Variants in ZSCAN5A observed in about 807,000 individuals in gnomAD.
ZSCAN5A encodes zinc finger and SCAN domain containing 5A, also known as zinc finger and SCAN domain-containing protein 5A.
ZSCAN5A carries 12 observed loss-of-function variants against 23.7 expected under a neutral mutation model. The ratio of observed to expected loss-of-function variants is 0.51; its 90% confidence interval spans 0.32 to 0.82. The LOEUF (loss-of-function observed/expected upper bound fraction) is 0.82. Ranked by LOEUF, ZSCAN5A falls within the 40% of genes least tolerant of loss-of-function variation. The pLI, the probability that ZSCAN5A is intolerant of heterozygous loss-of-function variation, is 0.03. For missense variants in ZSCAN5A, 597 were observed against 617.9 expected (o/e 0.97, Z 0.36); for synonymous variants, 257 against 239.9 (o/e 1.07, Z -0.66).
At chr19:56,326,184 G>T (rs989077553) in intron 2 of ZSCAN5A, among the ~76,000 whole-genome samples, 3 of 151,918 alleles carry the variant, frequency 2.0e-5, no homozygotes, top group Admixed American at 1.3e-4. Context: ...TGATCGGCCC[G>T]CCTCGGCCTC....
intron 2 of ZSCAN5A, among the ~76,000 whole-genome samples, chr19:56,265,378 T>C (rs967480801): frequency 4.0e-5 from 6 of 148,186 alleles, no homozygotes; most frequent in African/African-American, 1.3e-4. Context: ...CTATACTCTA[T>C]GTAAGTGGTT....
At chr19:56,257,823 C>G (rs1301108477) in intron 2 of ZSCAN5A, among the ~76,000 whole-genome samples, 36 of 132,876 alleles carry the variant, frequency 2.7e-4, no homozygotes, top group African/African-American at 7.2e-4. Flanking sequence ...CACCACTGCC[C>G]ATCTTCTTAG....
chr19:56,304,853 G>C (rs1303664110), intron 2 of ZSCAN5A: 1 of 967,440 alleles, frequency 1.0e-6, no homozygotes, highest in Non-Finnish European at 1.2e-6. Context: ...AGGGAAGTGG[G>C]CTTTTCCCAC....
At chr19:56,311,468 C>T (rs2041031544) in intron 2 of ZSCAN5A, among the ~76,000 whole-genome samples, 2 of 152,154 alleles carry the variant, frequency 1.3e-5, no homozygotes. Flanking sequence ...TGGGTAGTCA[C>T]ACAACTGAAC....
chr19:56,244,298 A>G (rs778989447), intron 2 of ZSCAN5A: 3 of 1,609,858 alleles, frequency 1.9e-6, no homozygotes, highest in Non-Finnish European at 2.5e-6. Flanking sequence ...GATCCTGGAC[A>G]TGCTGGTGAT....
chr19:56,304,340 G>A (rs896696702), intron 2 of ZSCAN5A, among the ~76,000 whole-genome samples: 7 of 152,204 alleles, frequency 4.6e-5, no homozygotes, highest in African/African-American at 1.4e-4. Context: ...GTTCTGAAAC[G>A]GGGGTGACGT....
At chr19:56,363,145 T>C (rs540712865) in intron 2 of ZSCAN5A, 14 of 152,334 alleles carry the variant, frequency 9.2e-5, no homozygotes, top group African/African-American at 3.4e-4. Flanking sequence ...TCTCTAGTTT[T>C]CAGGTGAGGG....
intron 2 of ZSCAN5A, among the ~76,000 whole-genome samples, chr19:56,292,140 C>T (rs1009207360): frequency 2.0e-5 from 3 of 152,170 alleles, no homozygotes; most frequent in Non-Finnish European, 2.9e-5. Context: ...GTGGCTCAGA[C>T]TTATTTTCCC....
chr19:56,246,281 C>T (rs1361774093), intron 2 of ZSCAN5A: 2 of 311,396 alleles, frequency 6.4e-6, no homozygotes, highest in Non-Finnish European at 1.2e-5. Context: ...CCAGTTTAGA[C>T]AGGGCAGTCA....
At chr19:56,239,066 C>T (rs565039355) in intron 2 of ZSCAN5A, among the ~76,000 whole-genome samples, 5 of 152,304 alleles carry the variant, frequency 3.3e-5, no homozygotes, top group Admixed American at 2.6e-4. Context: ...GACCTTGTGT[C>T]GGGCACTTTA....
intron 2 of ZSCAN5A, among the ~76,000 whole-genome samples, chr19:56,333,052 G>C (rs2041503528): frequency 6.6e-6 from 1 of 151,702 alleles, no homozygotes; most frequent in African/African-American, 2.4e-5. Context: ...AGTTCCCTTT[G>C]TGCATAATCT....
At position 56,314,602 on chromosome 19, in the gene ZSCAN5A, T is replaced by C. The variant is rs573348936; in HGVS notation, c.-230+79A>G. On this transcript the variant is annotated intron_variant, in intron 1 of 5. Coordinates refer to ENST00000683990, the MANE Select transcript of ZSCAN5A (RefSeq NM_001322064.3). ...GTCCCCGCCCCAGGCGCATGCGCCC[T>C]CCCTCTCCCCAACCCACCCCAGTCC... 2.2e-5 allele frequency: 3 copies of C among 135,988 alleles called. No individual in the cohort carries two copies. The East Asian group carries it at 7.0e-4, about 32-fold the overall frequency. The allele number at this position is 135,988 out of a possible 1,614,324, so 8.4% of individuals were successfully genotyped here.
chr19:56,316,286 AG>A (rs929648357), upstream of ZSCAN5A: 11 of 152,246 alleles, frequency 7.2e-5, no homozygotes, highest in Non-Finnish European at 1.6e-4. Context: ...AACATAACCA[AG>A]GGGTGCGCAA....
chr19:56,319,366 G>T (rs1202511521), upstream of ZSCAN5A, among the ~76,000 whole-genome samples: 1 of 151,150 alleles, frequency 6.6e-6, no homozygotes, highest in Non-Finnish European at 1.5e-5. Flanking sequence ...TGTGGTGGCG[G>T]GTGCCTGTAA....
chr19:56,304,524 T>A (rs142195902), intron 2 of ZSCAN5A, among the ~76,000 whole-genome samples: 509 of 152,212 alleles, frequency 3.3e-3, no homozygotes, highest in Non-Finnish European at 5.4e-3. Context: ...GTCAGGAACC[T>A]GAGGCTGAGA....
chr19:56,326,244 C>T (rs929837127), intron 2 of ZSCAN5A, among the ~76,000 whole-genome samples: 28 of 151,404 alleles, frequency 1.8e-4, no homozygotes, highest in African/African-American at 5.8e-4. Context: ...GCCTGATATA[C>T]GTATATATTG....
At chr19:56,367,607 G>C (rs996019016) in intron 1 of ZSCAN5A, among the ~76,000 whole-genome samples, 2 of 152,208 alleles carry the variant, frequency 1.3e-5, no homozygotes, top group African/African-American at 4.8e-5. Flanking sequence ...ATGCACTGAA[G>C]CACAGTTTCT....
At chr19:56,237,933 T>A (rs999466592) in intron 2 of ZSCAN5A, among the ~76,000 whole-genome samples, 4 of 29,316 alleles carry the variant, frequency 1.4e-4, no homozygotes, top group Admixed American at 3.7e-4. Flanking sequence ...AAAAAAAATT[T>A]AAAAAATGAT....
chr19:56,223,468 C>G (rs1364882439), intron 4 of ZSCAN5A, among the ~76,000 whole-genome samples, 163 bp downstream of exon 4: 5 of 152,216 alleles, frequency 3.3e-5, no homozygotes, highest in African/African-American at 1.2e-4. Flanking sequence ...AGGCTTCCCT[C>G]TCTGTGATGG....
Sources: gnomAD v4.1 joint callset for allele counts (sites outside exome capture counted in the v4.1 genomes callset) on GRCh38, gnomAD v4.1.1 for gene constraint, MANE v1.5 for transcripts, NCBI Gene and HGNC (gene_info 2026-07-23, HGNC 2026-07-21) for gene names.